ZNF652: variants seen among roughly 807,000 people sequenced by gnomAD.
The protein encoded by ZNF652 is zinc finger protein 652.
Under a neutral mutation model 45.2 loss-of-function variants are expected in ZNF652, and 16 were observed. The observed-to-expected ratio is 0.35, with a 90% CI of 0.24 to 0.54. The LOEUF is 0.54. Among genes scored for constraint, ZNF652 ranks in the 20% least tolerant of loss-of-function variants. The pLI is 0.91. For synonymous variants in ZNF652, 250 were observed against 260.6 expected, an observed-to-expected ratio of 0.96 and a Z score of 0.39; for missense variants, 614 against 765.6, an observed-to-expected ratio of 0.80 and a Z score of 2.34.
chr17:49,311,814 T>C (rs1252224510), intron 4 of ZNF652, 113 bp downstream of exon 4: 2 of 854,006 alleles, frequency 2.3e-6, no homozygotes, highest in Non-Finnish European at 1.8e-6. Flanking sequence ...GTCTGAAAGT[T>C]CTGTGGAAGG....
chr17:49,348,072 A>T (rs2070225948), intron 1 of ZNF652, among the ~76,000 whole-genome samples: 1 of 152,068 alleles, frequency 6.6e-6, no homozygotes, highest in Admixed American at 6.6e-5. Context: ...AAGCCTATAG[A>T]TCTAAACACC....
At chr17:49,361,083 G>A (rs2070387291) in intron 1 of ZNF652, 2 of 152,316 alleles carry the variant, frequency 1.3e-5, no homozygotes, top group African/African-American at 4.8e-5. Flanking sequence ...CAATGGATCC[G>A]CGGTGACAGG....
chr17:49,295,305 T>C lies in ZNF652; in HGVS notation c.*3108A>G, dbSNP rs1419933462. On this transcript the variant is annotated 3_prime_UTR_variant, in exon 6 of 6. Coordinates refer to ENST00000430262, the MANE Select transcript of ZNF652 (RefSeq NM_001145365.3). ...GTAGTTTTCCTGAAGACCACAAGTC[T>C]CAAGTCAAGGAAAGTATCCTTAATC... 6.6e-6 allele frequency: 1 copy of C among 151,822 alleles called. No individual in the cohort carries two copies. The highest frequency in any genetic ancestry group is 1.9e-4 in the East Asian group (1 of 5,198). The allele number at this position is 151,822 out of a possible 1,614,324, so 9.4% of individuals were successfully genotyped here.
intron 5 of ZNF652, among the ~76,000 whole-genome samples, chr17:49,302,492 G>A (rs986228820): frequency 6.6e-6 from 1 of 151,476 alleles, no homozygotes; most frequent in African/African-American, 2.4e-5. Context: ...GTTTCACCAT[G>A]TTAGCCAGGA....
intron 1 of ZNF652, among the ~76,000 whole-genome samples, chr17:49,340,172 T>C (rs1488423654): frequency 3.3e-5 from 5 of 152,112 alleles, no homozygotes; most frequent in African/African-American, 9.7e-5. Context: ...CCCAACACTT[T>C]AGGAGGCCGA....
In ZNF652 at chr17:49,322,884, CAATAAATA is replaced by C. The variant is rs372872752; in HGVS notation, c.-258-4909_-258-4902del. On this transcript the variant is annotated intron_variant, in intron 1 of 5. Coordinates refer to ENST00000430262, the MANE Select transcript of ZNF652 (RefSeq NM_001145365.3). ...TGGGTGACAGAGCAAGACTCCGTCT[CAATAAATA>C]AATAAATAAATGTTAAAAATGTTAG... 1.0e-3 allele frequency among the ~76,000 whole-genome samples: 154 copies of C among 152,188 alleles called. 2 individuals are homozygous for C. The East Asian group carries it at 0.021, about 21-fold the overall frequency.
chr17:49,348,484 G>GAAAAGAA (rs1555552471), intron 1 of ZNF652, among the ~76,000 whole-genome samples: 29 of 20,462 alleles, frequency 1.4e-3, no homozygotes, highest in African/African-American at 4.1e-3. Context: ...CCTCAAAAAA[G>GAAAAGAA]AAAAGAAAAG....
chr17:49,315,573 AAC>A (rs1491387798), intron 2 of ZNF652, among the ~76,000 whole-genome samples: 2 of 149,210 alleles, frequency 1.3e-5, no homozygotes, highest in African/African-American at 5.0e-5. Flanking sequence ...AAAAAAAAAA[AAC>A]CCACAAAACC....
chr17:49,332,551 T>G (rs1193841899), intron 1 of ZNF652, among the ~76,000 whole-genome samples: 1 of 152,208 alleles, frequency 6.6e-6, no homozygotes. Flanking sequence ...GGGATCCACC[T>G]ATTCCCAGAA....
At chr17:49,346,564 AAACT>A (rs1249834858) in intron 1 of ZNF652, among the ~76,000 whole-genome samples, 1 of 146,580 alleles carries the variant, frequency 6.8e-6, no homozygotes, top group Non-Finnish European at 1.5e-5. Flanking sequence ...ACAAACAAAC[AAACT>A]ACTATTCCTA....
chr17:49,333,741 A>AAAAAAAG (rs1567693116), intron 1 of ZNF652, among the ~76,000 whole-genome samples: 3 of 139,180 alleles, frequency 2.2e-5, no homozygotes, highest in African/African-American at 5.2e-5. Context: ...AAAAAAAAAA[A>AAAAAAAG]AAGAAGATAT....
In ZNF652 at chr17:49,295,926, A is replaced by C. The variant is rs1367745770; in HGVS notation, c.*2487T>G. On this transcript the variant is annotated 3_prime_UTR_variant, in exon 6 of 6. Transcript: ENST00000430262. ...GCACTCCAGCCCAGGCAACAGAACA[A>C]GACTCTGCCTCAAAAAAAAAAAAAA... 3 of 137,142 alleles carry C rather than the reference A, an allele frequency of 2.2e-5. No individual in the cohort carries two copies. Among genetic ancestry groups the C allele is most frequent in the African/African-American group, 8.4e-5 (3 of 35,888 alleles). 8.5% of individuals were successfully genotyped at this position (137,142 alleles called of 1,614,324 possible). A position where few individuals can be genotyped will look rare whatever the true frequency, so the allele number is the denominator to read the frequency against.
chr17:49,301,784 T>C (rs1333435394), intron 5 of ZNF652, among the ~76,000 whole-genome samples: 2 of 152,018 alleles, frequency 1.3e-5, no homozygotes, highest in East Asian at 3.9e-4. Flanking sequence ...CCCAGCACTT[T>C]GGGAGGCCAA....
intron 1 of ZNF652, among the ~76,000 whole-genome samples, chr17:49,342,058 C>A (rs960228387): frequency 2.0e-5 from 3 of 151,920 alleles, no homozygotes; most frequent in Non-Finnish European, 4.4e-5. Context: ...TGGTGGCAGG[C>A]GCCTATAATC....
At chr17:49,324,097 A>C (rs1473242199) in intron 1 of ZNF652, among the ~76,000 whole-genome samples, 16 of 152,364 alleles carry the variant, frequency 1.1e-4, no homozygotes, top group Non-Finnish European at 7.3e-5. Flanking sequence ...TCTACACCAG[A>C]AAATGATCTT....
At chr17:49,313,607 T>C (rs1052207991) in intron 2 of ZNF652, among the ~76,000 whole-genome samples, 1 of 152,064 alleles carries the variant, frequency 6.6e-6, no homozygotes, top group African/African-American at 2.4e-5. Flanking sequence ...AAAACAAGAT[T>C]AAACAAAATA....
chr17:49,345,272 G>A (rs1004182969), intron 1 of ZNF652, among the ~76,000 whole-genome samples: 1 of 148,814 alleles, frequency 6.7e-6, no homozygotes, highest in African/African-American at 2.5e-5. Flanking sequence ...GCGCAATCTC[G>A]GCTCACTGTA....
chr17:49,295,937 C>CAAAAAAAAAACAAAAAAAAA lies in ZNF652; in HGVS notation c.*2475_*2476insTTTTTTTTTGTTTTTTTTTT, dbSNP rs2069468039. The CAAAAAAAAAACAAAAAAAAA allele has an allele frequency of 2.0e-4, 10 of 51,256 alleles. No individual in the cohort carries two copies. The highest frequency in any genetic ancestry group is 6.6e-4 in the African/African-American group (9 of 13,628). The allele number at this position is 51,256 out of a possible 1,614,324, so 3.2% of individuals were successfully genotyped here. A position where few individuals can be genotyped will look rare whatever the true frequency, so the allele number is the denominator to read the frequency against. On this transcript the variant is annotated 3_prime_UTR_variant, in exon 6 of 6. Coordinates refer to ENST00000430262, the MANE Select transcript of ZNF652 (RefSeq NM_001145365.3). The stretch of plus-strand genomic sequence containing the variant: ...CAGGCAACAGAACAAGACTCTGCCT[C>CAAAAAAAAAACAAAAAAAAA]AAAAAAAAAAAAAAAAAAAAAAAAA...
intron 1 of ZNF652, among the ~76,000 whole-genome samples, chr17:49,355,149 T>G (rs1264677007): frequency 6.6e-6 from 1 of 152,248 alleles, no homozygotes; most frequent in Non-Finnish European, 1.5e-5. Context: ...AGTAAGTTAT[T>G]CATGTTGCTA....
Sources: allele counts gnomAD v4.1 joint callset (sites outside exome capture counted in the v4.1 genomes callset), GRCh38; gene constraint gnomAD v4.1.1; transcripts MANE v1.5; gene names NCBI Gene and HGNC (gene_info 2026-07-23, HGNC 2026-07-21).